Variants in NRG3 observed in about 807,000 individuals in gnomAD.
NRG3 encodes the protein pro-neuregulin-3, membrane-bound isoform.
NRG3 carries 31 observed loss-of-function variants against 66.9 expected under a neutral mutation model. That is an observed-to-expected ratio of 0.46 (90% CI 0.35 to 0.63). The LOEUF is 0.63. Among genes scored for constraint, NRG3 ranks in the 20% least tolerant of loss-of-function variants. NRG3 has a pLI of 0.00. For missense variants in NRG3, 910 were observed against 878.9 expected (o/e 1.04, Z -0.45); for synonymous variants, 393 against 359.4 (o/e 1.09, Z -1.06).
chr10:82,094,083 AC>A (rs1439852355), intron 1 of NRG3, among the ~76,000 whole-genome samples: 1 of 152,174 alleles, frequency 6.6e-6, no homozygotes, highest in Non-Finnish European at 1.5e-5. Context: ...TGACAATGAA[AC>A]CTTTTACTAG....
chr10:82,137,979 C>G (rs1245445378), intron 1 of NRG3, among the ~76,000 whole-genome samples: 1 of 152,184 alleles, frequency 6.6e-6, no homozygotes, highest in Non-Finnish European at 1.5e-5. Context: ...GGTATTTTCT[C>G]ATCACTTGAC....
chr10:82,717,994 C>T (rs965527630), intron 2 of NRG3, among the ~76,000 whole-genome samples: 4 of 152,050 alleles, frequency 2.6e-5, no homozygotes, highest in Admixed American at 6.6e-5. Flanking sequence ...ACCCTCTTCC[C>T]GAAAAGGAGA....
At chr10:82,120,248 C>G (rs1302421441) in intron 1 of NRG3, among the ~76,000 whole-genome samples, 1 of 152,034 alleles carries the variant, frequency 6.6e-6, no homozygotes, top group East Asian at 1.9e-4. Flanking sequence ...CAGGTCCTCT[C>G]TAACTGTATA....
chr10:81,966,065 C>CT (rs1392930392), intron 1 of NRG3, among the ~76,000 whole-genome samples: 2 of 151,658 alleles, frequency 1.3e-5, no homozygotes, highest in Non-Finnish European at 2.9e-5. Context: ...TTTTTTCATG[C>CT]TTTTTCTTGT....
chr10:82,346,009 A>C (rs2082997001), intron 1 of NRG3, among the ~76,000 whole-genome samples: 1 of 152,160 alleles, frequency 6.6e-6, no homozygotes, highest in South Asian at 2.1e-4. Context: ...GTCATCTGCA[A>C]ACAGGGACAA....
rs149750453 is a variant in NRG3 at position 82,482,997 on chromosome 10, A to G, written c.953+124129A>G. ...GCACAGATCCTACAATCTTGCAAGG[A>G]TGCAAGAATTTTCTTAAATGGGTTA... is the stretch of plus-strand genomic sequence containing the variant. On this transcript the variant is annotated intron_variant, in intron 2 of 8. Coordinates refer to ENST00000372141, the MANE Select transcript of NRG3 (RefSeq NM_001010848.4). 3.1e-4 allele frequency among the ~76,000 whole-genome samples: 47 copies of G among 152,302 alleles called. 1 individual carries two copies. The East Asian group carries it at 8.7e-3, about 28-fold the overall frequency.
chr10:82,137,946 C>T lies in NRG3; in HGVS notation c.824-220793C>T, dbSNP rs74340544. On this transcript the variant is annotated intron_variant, in intron 1 of 8. Transcript: ENST00000372141. The stretch of plus-strand genomic sequence containing the variant: ...TCCTTGTCCTTAACTTGGGTAAGTC[C>T]GAAGTTTGACATTCAGGCTACTGGT... Among the ~76,000 whole-genome samples the T allele has an allele frequency of 3.5e-3, 526 of 152,184 alleles. 4 individuals are homozygous for T. The highest frequency in any genetic ancestry group is 0.012 in the African/African-American group (502 of 41,522).
Position 82,720,805 on chromosome 10 carries a change from T to TTATATATATATATA in NRG3, c.954-17768_954-17767insTATATATATATATA, listed in dbSNP as rs1363560030. ...AGTAAAACACATATATAGGAGTATT[T>TTATATATATATATA]TATACATATATATATATATATATAT... On this transcript the variant is annotated intron_variant, in intron 2 of 8. Transcript: ENST00000372141. Among the ~76,000 whole-genome samples, 54 of 63,474 alleles carry TTATATATATATATA rather than the reference T, an allele frequency of 8.5e-4. 1 individual carries two copies. The highest frequency in any genetic ancestry group is 3.6e-3 in the African/African-American group (50 of 13,758). The allele number at this position is 63,474 out of a possible 152,430, so 41.6% of individuals were successfully genotyped here. A position where few individuals can be genotyped will look rare whatever the true frequency, so the allele number is the denominator to read the frequency against.
intron 1 of NRG3, among the ~76,000 whole-genome samples, chr10:82,295,296 G>A (rs2079994136): frequency 6.6e-6 from 1 of 152,196 alleles, no homozygotes. Flanking sequence ...AAAGGACAAA[G>A]ATGGATGATT....
chr10:82,104,926 C>T (rs1195278894), intron 1 of NRG3, among the ~76,000 whole-genome samples: 1 of 152,042 alleles, frequency 6.6e-6, no homozygotes, highest in Non-Finnish European at 1.5e-5. Context: ...ATATCAAACA[C>T]TTAACTTTAT....
At chr10:82,080,222 A>G (rs2065312643) in intron 1 of NRG3, among the ~76,000 whole-genome samples, 1 of 151,976 alleles carries the variant, frequency 6.6e-6, no homozygotes, top group Non-Finnish European at 1.5e-5. Context: ...TAAGCATTTG[A>G]GTTTGCATCT....
intron 2 of NRG3, among the ~76,000 whole-genome samples, chr10:82,679,430 T>C (rs1297070105): frequency 6.6e-6 from 1 of 152,142 alleles, no homozygotes; most frequent in African/African-American, 2.4e-5. Context: ...TTCTGGTATC[T>C]AAATAAAGGA....
chr10:82,471,857 C>A (rs1481358576), intron 2 of NRG3, among the ~76,000 whole-genome samples: 7 of 151,554 alleles, frequency 4.6e-5, no homozygotes, highest in Admixed American at 1.3e-4. Flanking sequence ...CCATTGCACT[C>A]CAGCCTGGGC....
intron 2 of NRG3, among the ~76,000 whole-genome samples, chr10:82,733,682 C>A (rs2058027596): frequency 6.6e-6 from 1 of 152,186 alleles, no homozygotes; most frequent in African/African-American, 2.4e-5. Flanking sequence ...TAGCACAGTT[C>A]TCTCAATAGA....
chr10:82,088,986 G>T (rs1280475660), intron 1 of NRG3, among the ~76,000 whole-genome samples: 2 of 151,818 alleles, frequency 1.3e-5, no homozygotes, highest in Non-Finnish European at 1.5e-5. Context: ...AAAACCAGCA[G>T]AGAAGATTTT....
chr10:82,983,625 C>A (rs1923548), intron 8 of NRG3, among the ~76,000 whole-genome samples: 4 of 151,860 alleles, frequency 2.6e-5, no homozygotes, highest in African/African-American at 9.7e-5. Flanking sequence ...GTCTATTTTA[C>A]GCACCCATTA....
At chr10:82,594,408 A>G (rs2047153826) in intron 2 of NRG3, among the ~76,000 whole-genome samples, 1 of 152,170 alleles carries the variant, frequency 6.6e-6, no homozygotes, top group Non-Finnish European at 1.5e-5. Flanking sequence ...TGTTGCCATA[A>G]CAAGTTTTGT....
intron 1 of NRG3, chr10:82,340,795 C>T (rs1311414738): frequency 6.6e-6 from 1 of 152,042 alleles, no homozygotes; most frequent in Non-Finnish European, 1.5e-5. Flanking sequence ...AGCACATATA[C>T]TAAAATGGGA....
chr10:82,914,275 G>C (rs2131999554), intron 4 of NRG3, among the ~76,000 whole-genome samples: 1 of 152,136 alleles, frequency 6.6e-6, no homozygotes, highest in East Asian at 1.9e-4. Context: ...AATCTCTGCT[G>C]TATCTGAGTT....
Sources: gnomAD v4.1 joint callset for allele counts (sites outside exome capture counted in the v4.1 genomes callset) on GRCh38, gnomAD v4.1.1 for gene constraint, MANE v1.5 for transcripts, NCBI Gene and HGNC (gene_info 2026-07-23, HGNC 2026-07-21) for gene names.